Variants in PTPRD observed in about 807,000 individuals in gnomAD.
PTPRD encodes receptor-type tyrosine-protein phosphatase delta.
In PTPRD, 34 loss-of-function variants were observed where a neutral mutation model predicts 214.5. The ratio of observed to expected loss-of-function variants is 0.16; its 90% CI spans 0.12 to 0.21. The LOEUF (loss-of-function observed/expected upper bound fraction) is 0.21. Among genes scored for constraint, PTPRD ranks in the 10% least tolerant of loss-of-function variants. The pLI is 1.00. For missense variants in PTPRD, 2,545 were observed against 2,398.7 expected (o/e 1.06, Z -1.27); for synonymous variants, 1,128 against 845.7 (o/e 1.33, Z -5.79).
At chr9:8,327,930 C>A (rs1835629060) in intron 44 of PTPRD, among the ~76,000 whole-genome samples, 1 of 149,546 alleles carries the variant, frequency 6.7e-6, no homozygotes, top group Non-Finnish European at 1.5e-5. Flanking sequence ...GATGGGTCTC[C>A]TGAATACAGC....
intron 30 of PTPRD, among the ~76,000 whole-genome samples, chr9:8,476,258 T>G (rs1375472483): frequency 6.6e-6 from 1 of 152,192 alleles, no homozygotes; most frequent in African/African-American, 2.4e-5. Flanking sequence ...GCCGGCAACC[T>G]AAATCCCTCA....
intron 3 of PTPRD, among the ~76,000 whole-genome samples, chr9:10,282,908 C>T (rs77377520): frequency 0.12 from 17,906 of 152,100 alleles, 1,350 homozygotes; most frequent in Admixed American, 0.24. Flanking sequence ...CTCACCAAAA[C>T]TCTATTCTCT....
chr9:9,923,218 G>A (rs1257650790), intron 5 of PTPRD, among the ~76,000 whole-genome samples: 1 of 147,644 alleles, frequency 6.8e-6, no homozygotes, highest in African/African-American at 2.6e-5. Flanking sequence ...AAGATAGTGA[G>A]GTGTTGTATA....
chr9:8,346,569 C>T (rs1296310191), intron 39 of PTPRD, among the ~76,000 whole-genome samples: 5 of 152,122 alleles, frequency 3.3e-5, no homozygotes, highest in Non-Finnish European at 5.9e-5. Context: ...TGAATCAATC[C>T]CTTTGTCCAG....
chr9:8,677,213 T>G (rs1174726306), intron 12 of PTPRD, among the ~76,000 whole-genome samples: 2 of 152,164 alleles, frequency 1.3e-5, no homozygotes, highest in Non-Finnish European at 2.9e-5. Flanking sequence ...TAAGGATGCA[T>G]GCACACATAC....
At chr9:8,496,473 T>C (rs908642309) in intron 26 of PTPRD, among the ~76,000 whole-genome samples, 2 of 152,192 alleles carry the variant, frequency 1.3e-5, no homozygotes, top group Non-Finnish European at 2.9e-5. Context: ...TGTCACATCA[T>C]GTGTCCCTTG....
intron 7 of PTPRD, among the ~76,000 whole-genome samples, chr9:9,729,545 A>G (rs189521933): frequency 7.9e-5 from 12 of 152,270 alleles, no homozygotes; most frequent in Middle Eastern, 3.4e-3. Context: ...CACTCTCACC[A>G]TCCTTATGAT....
At chr9:8,326,211 A>G (rs960572220) in intron 44 of PTPRD, among the ~76,000 whole-genome samples, 2 of 152,190 alleles carry the variant, frequency 1.3e-5, no homozygotes, top group Non-Finnish European at 2.9e-5. Context: ...TGCGTTTGTC[A>G]TAAATAGCTC....
intron 14 of PTPRD, among the ~76,000 whole-genome samples, chr9:8,625,307 G>A (rs879439827): frequency 2.0e-5 from 3 of 151,652 alleles, no homozygotes; most frequent in African/African-American, 4.8e-5. Flanking sequence ...AAGCCATCAC[G>A]TTTTTATGAG....
At chr9:9,189,889 G>T (rs775303507) in intron 9 of PTPRD, among the ~76,000 whole-genome samples, 16 of 151,872 alleles carry the variant, frequency 1.1e-4, no homozygotes, top group Non-Finnish European at 2.4e-4. Flanking sequence ...GAACTTCCTT[G>T]TGCCTTTGAA....
intron 12 of PTPRD, among the ~76,000 whole-genome samples, chr9:8,666,118 C>A (rs1276842708): frequency 1.3e-5 from 2 of 151,236 alleles, no homozygotes; most frequent in East Asian, 1.9e-4. Flanking sequence ...AAAGAATATG[C>A]TATTTTGTCC....
At chr9:10,408,614 C>CCA (rs1410122558) in intron 2 of PTPRD, among the ~76,000 whole-genome samples, 1 of 151,584 alleles carries the variant, frequency 6.6e-6, no homozygotes, top group Non-Finnish European at 1.5e-5. Flanking sequence ...GATAATACTT[C>CCA]TATATATATT....
chr9:8,341,136 C>T lies in PTPRD; in HGVS notation c.5080G>A (p.Val1694Ile), dbSNP rs1852050323. 4.3e-6 allele frequency: 7 copies of T among 1,612,912 alleles called. No individual in the cohort carries two copies. Among genetic ancestry groups the T allele is most frequent in the Non-Finnish European group, 5.9e-6 (7 of 1,179,370 alleles). The change falls in exon 41 of 46, where the codon GTA becomes ATA. Residue 1694 changes from valine to isoleucine, a missense_variant. Val to Ile is a conservative substitution (Grantham distance 29). Coordinates refer to ENST00000381196, the MANE Select transcript of PTPRD (RefSeq NM_002839.4). ...GCATTGATGTAATCAGATCCTTCTA[C>T]TCCACGGATAGGCTGCAGGCATACC... ...TRVCLQPIRGVEGSDYINASF... is the reference protein window; with the variant it reads ...TRVCLQPIRGIEGSDYINASF...
At chr9:9,629,530 G>A (rs1434822030) in intron 7 of PTPRD, among the ~76,000 whole-genome samples, 1 of 152,140 alleles carries the variant, frequency 6.6e-6, no homozygotes, top group East Asian at 1.9e-4. Context: ...ACCTATAGCT[G>A]AGAAATTAAA....
At chr9:8,330,822 T>A (rs2131554418) in intron 44 of PTPRD, among the ~76,000 whole-genome samples, 1 of 151,050 alleles carries the variant, frequency 6.6e-6, no homozygotes, top group East Asian at 1.9e-4. Flanking sequence ...TGAAGCAAAA[T>A]ATATTTTTTA....
intron 2 of PTPRD, among the ~76,000 whole-genome samples, chr9:10,470,811 A>G (rs1284580576): frequency 1.3e-5 from 2 of 152,172 alleles, no homozygotes; most frequent in Non-Finnish European, 2.9e-5. Flanking sequence ...AGGAAACAGG[A>G]GTGGTGGAGG....
intron 11 of PTPRD, among the ~76,000 whole-genome samples, chr9:8,759,490 G>C (rs10511507): frequency 0.025 from 3,802 of 152,156 alleles, 51 homozygotes; most frequent in Middle Eastern, 0.054. Context: ...TCTGAATCCT[G>C]TGAGACCTGA....
intron 2 of PTPRD, among the ~76,000 whole-genome samples, chr9:10,451,998 G>C (rs528767834): frequency 6.6e-6 from 1 of 151,960 alleles, no homozygotes; most frequent in Non-Finnish European, 1.5e-5. Flanking sequence ...GAGCTTTCCT[G>C]TTAGCTTCTG....
chr9:10,416,398 C>A (rs762353524), intron 2 of PTPRD, among the ~76,000 whole-genome samples: 16 of 151,634 alleles, frequency 1.1e-4, no homozygotes, highest in Admixed American at 2.6e-4. Context: ...GACAAACAAA[C>A]ACCCAATGTT....
Sources: gnomAD v4.1 joint callset for allele counts (sites outside exome capture counted in the v4.1 genomes callset) on GRCh38, gnomAD v4.1.1 for gene constraint, MANE v1.5 for transcripts, NCBI Gene and HGNC (gene_info 2026-07-23, HGNC 2026-07-21) for gene names.